UGT1A10: variants seen among roughly 807,000 people sequenced by gnomAD.
UGT1A10 encodes UDP-glucuronosyltransferase 1A10.
Under a neutral mutation model 45.8 loss-of-function variants are expected in UGT1A10, and 49 were observed. That is an observed-to-expected ratio of 1.07 (90% CI 0.85 to 1.36). The LOEUF (loss-of-function observed/expected upper bound fraction) is 1.36, where lower values mean the gene tolerates loss of function less well. Ranked by LOEUF, UGT1A10 falls within the 40% of genes most tolerant of loss-of-function variation. The pLI is 0.00. For missense variants in UGT1A10, 745 were observed against 668.6 expected (o/e 1.11, Z -1.26); for synonymous variants, 284 against 249.7 (o/e 1.14, Z -1.29).
At chr2:233,649,896 G>A (rs1401882224) in intron 1 of UGT1A10, among the ~76,000 whole-genome samples, 2 of 152,164 alleles carry the variant, frequency 1.3e-5, no homozygotes, top group Admixed American at 1.3e-4. Context: ...CTTGTGCTTT[G>A]TCTTCATTAT....
chr2:233,646,478 A>G (rs2073607167), intron 1 of UGT1A10, among the ~76,000 whole-genome samples: 1 of 152,100 alleles, frequency 6.6e-6, no homozygotes, highest in South Asian at 2.1e-4. Context: ...TCCCTTTTAA[A>G]ACTGAATGCC....
intron 1 of UGT1A10, chr2:233,648,183 A>G (rs2073650133): frequency 4.3e-6 from 4 of 936,524 alleles, no homozygotes; most frequent in Non-Finnish European, 6.3e-6. Flanking sequence ...CCAAATGTTT[A>G]GAATTTAATT....
intron 1 of UGT1A10, chr2:233,717,787 T>G (rs749121467): frequency 2.2e-6 from 1 of 456,322 alleles, no homozygotes; most frequent in Admixed American, 2.3e-5. Flanking sequence ...ATTTTGAAAT[T>G]TGAAGTAGTG....
intron 1 of UGT1A10, among the ~76,000 whole-genome samples, chr2:233,746,234 G>T (rs923887005): frequency 6.6e-6 from 1 of 151,756 alleles, no homozygotes; most frequent in African/African-American, 2.4e-5. Context: ...TATGCAAACT[G>T]CTAAAAGATA....
chr2:233,651,281 T>G (rs531844752), intron 1 of UGT1A10, among the ~76,000 whole-genome samples: 1 of 152,168 alleles, frequency 6.6e-6, no homozygotes, highest in Non-Finnish European at 1.5e-5. Flanking sequence ...CTGAGTTCCT[T>G]GTGGCTCACA....
intron 1 of UGT1A10, among the ~76,000 whole-genome samples, chr2:233,763,457 A>G (rs1297743892): frequency 6.6e-6 from 1 of 152,174 alleles, no homozygotes; most frequent in African/African-American, 2.4e-5. Context: ...GCCTATTTGA[A>G]TCTAACAATT....
intron 1 of UGT1A10, among the ~76,000 whole-genome samples, chr2:233,665,896 C>T (rs1458635321): frequency 6.6e-6 from 1 of 152,174 alleles, no homozygotes; most frequent in African/African-American, 2.4e-5. Flanking sequence ...AGGTGCCCTC[C>T]CACCACCTGC....
intron 1 of UGT1A10, among the ~76,000 whole-genome samples, chr2:233,710,289 G>C (rs2076124208): frequency 6.6e-6 from 1 of 152,208 alleles, no homozygotes; most frequent in African/African-American, 2.4e-5. Flanking sequence ...TTAAAAGTGG[G>C]ATTGTTGGGT....
At chr2:233,687,202 G>A (rs1048780316) in intron 1 of UGT1A10, among the ~76,000 whole-genome samples, 8 of 152,298 alleles carry the variant, frequency 5.3e-5, no homozygotes, top group African/African-American at 1.9e-4. Flanking sequence ...AATTGGGTGG[G>A]TGATATGCAT....
At chr2:233,665,832 G>A (rs2074066249) in intron 1 of UGT1A10, among the ~76,000 whole-genome samples, 1 of 152,156 alleles carries the variant, frequency 6.6e-6, no homozygotes, top group South Asian at 2.1e-4. Flanking sequence ...TATGGTAGGT[G>A]TATGGTTACC....
chr2:233,759,712 G>A (rs2125976216), intron 1 of UGT1A10, among the ~76,000 whole-genome samples: 1 of 151,632 alleles, frequency 6.6e-6, no homozygotes, highest in African/African-American at 2.4e-5. Flanking sequence ...GCGTGCTCGT[G>A]TGGTGGGCTC....
intron 1 of UGT1A10, among the ~76,000 whole-genome samples, chr2:233,764,955 T>G (rs891211439): frequency 6.6e-6 from 1 of 151,792 alleles, no homozygotes; most frequent in Non-Finnish European, 1.5e-5. Flanking sequence ...GAGAGAGGGC[T>G]CACCTTGGGA....
intron 1 of UGT1A10, among the ~76,000 whole-genome samples, chr2:233,751,154 C>A (rs1181996969): frequency 6.6e-6 from 1 of 151,950 alleles, no homozygotes; most frequent in Non-Finnish European, 1.5e-5. Flanking sequence ...CCACTTCTGG[C>A]ATCAGCATGA....
intron 1 of UGT1A10, chr2:233,755,075 A>C (rs1312444555): frequency 7.5e-7 from 1 of 1,336,312 alleles, no homozygotes; most frequent in East Asian, 4.6e-5. Context: ...CATAGCGGTC[A>C]TAGATATCGC....
chr2:233,700,383 C>T (rs953707626), intron 1 of UGT1A10, among the ~76,000 whole-genome samples: 19 of 152,264 alleles, frequency 1.2e-4, no homozygotes, highest in African/African-American at 4.6e-4. Flanking sequence ...CATTTCCAGG[C>T]ATGTGGAACA....
intron 1 of UGT1A10, among the ~76,000 whole-genome samples, chr2:233,730,680 C>A (rs1218688522): frequency 6.6e-6 from 1 of 152,088 alleles, no homozygotes; most frequent in Admixed American, 6.6e-5. Context: ...GTAATGGTTG[C>A]ATCTCAAATG....
chr2:233,644,680 C>T (rs1396216855), intron 1 of UGT1A10, among the ~76,000 whole-genome samples: 1 of 152,188 alleles, frequency 6.6e-6, no homozygotes, highest in Non-Finnish European at 1.5e-5. Context: ...TTCAGTGCCT[C>T]CCAATTGTCT....
At chr2:233,660,847 GC>G (rs1271455589) in intron 1 of UGT1A10, among the ~76,000 whole-genome samples, 1 of 152,086 alleles carries the variant, frequency 6.6e-6, no homozygotes, top group Admixed American at 6.6e-5. Context: ...GAAGTCACCT[GC>G]TACCTCTTGT....
chr2:233,684,971 G>A (rs796396541), intron 1 of UGT1A10, among the ~76,000 whole-genome samples: 38 of 152,170 alleles, frequency 2.5e-4, no homozygotes, highest in African/African-American at 8.9e-4. Flanking sequence ...AGAAAGCATT[G>A]CTTGATGATG....
Sources: gnomAD v4.1 joint callset for allele counts (sites outside exome capture counted in the v4.1 genomes callset) on GRCh38, gnomAD v4.1.1 for gene constraint, MANE v1.5 for transcripts, NCBI Gene and HGNC (gene_info 2026-07-23, HGNC 2026-07-21) for gene names.